Variants in EXOC4 observed in about 807,000 individuals in gnomAD.
The protein encoded by EXOC4 is SEC8-like 1.
Under a neutral mutation model 107.2 loss-of-function variants are expected in EXOC4, and 71 were observed. The ratio of observed to expected loss-of-function variants is 0.66; its 90% CI spans 0.55 to 0.81. The LOEUF is 0.81. Among genes scored for constraint, EXOC4 ranks in the 30% least tolerant of loss-of-function variants. The pLI, the probability that EXOC4 is intolerant of heterozygous loss-of-function variation, is 0.00. For missense variants in EXOC4, 1,108 were observed against 1,189.6 expected (o/e 0.93, Z 1.01); for synonymous variants, 456 against 441.2 (o/e 1.03, Z -0.42).
chr7:133,609,557 T>C (rs997756655), intron 9 of EXOC4, among the ~76,000 whole-genome samples: 1 of 152,210 alleles, frequency 6.6e-6, no homozygotes, highest in Admixed American at 6.5e-5. Flanking sequence ...TTCCATCAAC[T>C]GCAACTCTCA....
At chr7:133,938,095 T>C in intron 14 of EXOC4, 26 bp downstream of exon 14, 1 of 1,612,210 alleles carries the variant, frequency 6.2e-7, no homozygotes. Context: ...GAAGCTGTTG[T>C]GGGGACAGTT....
At chr7:133,933,223 T>C (rs1197361743) in intron 13 of EXOC4, among the ~76,000 whole-genome samples, 2 of 152,236 alleles carry the variant, frequency 1.3e-5, no homozygotes, top group Non-Finnish European at 2.9e-5. Context: ...TTAACACTCC[T>C]GGCAAAATTA....
intron 10 of EXOC4, among the ~76,000 whole-genome samples, chr7:133,792,553 C>CAAAAAA (rs56408972): frequency 2.0e-4 from 15 of 73,530 alleles, no homozygotes; most frequent in African/African-American, 4.0e-4. Context: ...ACCCTGTCTC[C>CAAAAAA]AAAAAAAAAA....
chr7:134,031,874 A>G (rs1795280202), intron 17 of EXOC4, among the ~76,000 whole-genome samples: 1 of 152,214 alleles, frequency 6.6e-6, no homozygotes, highest in Admixed American at 6.5e-5. Flanking sequence ...AATCTCTCTC[A>G]GTTGTGGTTA....
chr7:133,730,731 G>T (rs1028678636), intron 10 of EXOC4, among the ~76,000 whole-genome samples: 1 of 152,178 alleles, frequency 6.6e-6, no homozygotes, highest in Non-Finnish European at 1.5e-5. Context: ...CATATTGAAA[G>T]AAGAGTTCAA....
chr7:133,261,050 A>T lies in EXOC4; in HGVS notation c.86+7863A>T, dbSNP rs538944456. On this transcript the variant is annotated intron_variant, in intron 1 of 17. Transcript: ENST00000253861. ...CTTAGATTATACTTTTCAATCTAAG[A>T]TACAGAAGCTTATCTTCTTTATCTG... 2.0e-5 allele frequency among the ~76,000 whole-genome samples: 3 copies of T among 152,250 alleles called. No homozygotes were observed. The South Asian group carries it at 6.2e-4, about 32-fold the overall frequency.
chr7:133,275,294 A>G, intron 2 of EXOC4, 123 bp downstream of exon 2: 1 of 778,614 alleles, frequency 1.3e-6, no homozygotes, highest in Non-Finnish European at 1.9e-6. Flanking sequence ...GCCACTTTTC[A>G]GGAGTTCTGC....
chr7:133,902,056 C>T (rs978903403), intron 12 of EXOC4, among the ~76,000 whole-genome samples: 2 of 152,220 alleles, frequency 1.3e-5, no homozygotes, highest in African/African-American at 4.8e-5. Context: ...GTGAGATCCT[C>T]CTAGCTTCTA....
intron 14 of EXOC4, among the ~76,000 whole-genome samples, chr7:133,956,708 T>C (rs972495278): frequency 6.6e-6 from 1 of 152,180 alleles, no homozygotes; most frequent in African/African-American, 2.4e-5. Flanking sequence ...AAGGCCCAGA[T>C]TCTGAAACTC....
chr7:134,048,335 A>C (rs1795703662), intron 17 of EXOC4, among the ~76,000 whole-genome samples: 1 of 152,228 alleles, frequency 6.6e-6, no homozygotes, highest in Admixed American at 6.5e-5. Flanking sequence ...TCTAGTCCCC[A>C]GGTAGGAAGG....
intron 10 of EXOC4, among the ~76,000 whole-genome samples, chr7:133,706,388 T>C (rs1013839053): frequency 6.6e-6 from 1 of 152,222 alleles, no homozygotes; most frequent in African/African-American, 2.4e-5. Flanking sequence ...TATTAGTATT[T>C]GTACTTATAT....
intron 17 of EXOC4, among the ~76,000 whole-genome samples, chr7:134,033,089 GTTAA>G (rs1795304382): frequency 6.6e-6 from 1 of 152,090 alleles, no homozygotes; most frequent in African/African-American, 2.4e-5. Context: ...ATGGAACATT[GTTAA>G]TGGATAAAGT....
rs559699482 is a variant in EXOC4, at chr7:133,884,139, C to T, written c.1735-11460C>T. Reference sequence around the variant, plus strand: ...CACGATTGCTTCTTGTTGTGCCAAACCCTTGTTAACCTCAATAGGAAAGGC... The same window carrying T: ...CACGATTGCTTCTTGTTGTGCCAAATCCTTGTTAACCTCAATAGGAAAGGC... On this transcript the variant is annotated intron_variant, in intron 11 of 17. Coordinates refer to ENST00000253861, the MANE Select transcript of EXOC4 (RefSeq NM_021807.4). Among the ~76,000 whole-genome samples, 9 of 152,282 alleles carry T rather than the reference C, an allele frequency of 5.9e-5. No homozygotes were observed. In the East Asian group the frequency reaches 1.5e-3, roughly 26 times the overall value.
intron 9 of EXOC4, among the ~76,000 whole-genome samples, chr7:133,604,811 C>T (rs764988994): frequency 2.7e-5 from 4 of 147,130 alleles, no homozygotes; most frequent in Non-Finnish European, 6.0e-5. Context: ...GCAACCCCCA[C>T]CTCCCGGATT....
At chr7:133,913,266 C>G (rs567575270) in intron 12 of EXOC4, among the ~76,000 whole-genome samples, 3 of 152,124 alleles carry the variant, frequency 2.0e-5, no homozygotes, top group Non-Finnish European at 4.4e-5. Context: ...GATGTTCATG[C>G]CTTGCTAAGT....
At chr7:133,279,942 C>T (rs1794093048) in intron 2 of EXOC4, among the ~76,000 whole-genome samples, 1 of 152,074 alleles carries the variant, frequency 6.6e-6, no homozygotes, top group Non-Finnish European at 1.5e-5. Context: ...ATGGTCCAAG[C>T]TTTTTTAAAA....
chr7:133,986,996 C>T (rs1308339709), intron 14 of EXOC4, among the ~76,000 whole-genome samples: 2 of 152,154 alleles, frequency 1.3e-5, no homozygotes, highest in Non-Finnish European at 2.9e-5. Flanking sequence ...TCCTTAATAT[C>T]ACAGACCTAA....
At chr7:133,746,107 CAT>C (rs1181363749) in intron 10 of EXOC4, among the ~76,000 whole-genome samples, 1 of 152,086 alleles carries the variant, frequency 6.6e-6, no homozygotes, top group Non-Finnish European at 1.5e-5. Context: ...AAAAATTTCT[CAT>C]ATTACATGTT....
At chr7:133,364,298 TTAAAG>T (rs1338380881) in intron 6 of EXOC4, among the ~76,000 whole-genome samples, 1 of 151,770 alleles carries the variant, frequency 6.6e-6, no homozygotes, top group Non-Finnish European at 1.5e-5. Flanking sequence ...GCCTAGCTAT[TTAAAG>T]TATTTTTTTT....
Sources: gnomAD v4.1 joint callset for allele counts (sites outside exome capture counted in the v4.1 genomes callset) on GRCh38, gnomAD v4.1.1 for gene constraint, MANE v1.5 for transcripts, NCBI Gene and HGNC (gene_info 2026-07-23, HGNC 2026-07-21) for gene names.